Variants in PDE1C observed in about 807,000 individuals in gnomAD.
PDE1C encodes phosphodiesterase 1C, also known as dual specificity calcium/calmodulin-dependent 3',5'-cyclic nucleotide phosphodiesterase 1C.
In PDE1C, 62 loss-of-function variants were observed where a neutral mutation model predicts 93.1. That is an observed-to-expected ratio of 0.67 (90% CI 0.54 to 0.82). The LOEUF (loss-of-function observed/expected upper bound fraction) is 0.82. PDE1C is among the 40% of genes least tolerant of loss of function. PDE1C has a pLI of 0.00. For synonymous variants in PDE1C, 325 were observed against 310.1 expected (o/e 1.05, Z -0.50); for missense variants, 742 against 884.6 (o/e 0.84, Z 2.04).
chr7:31,851,356 G>C (rs183143113), intron 7 of PDE1C, among the ~76,000 whole-genome samples: 63 of 152,258 alleles, frequency 4.1e-4, no homozygotes, highest in African/African-American at 1.5e-3. Context: ...TGTTAGAAAT[G>C]CTGGCAAATT....
At chr7:32,236,974 G>T (rs1279420508) in intron 1 of PDE1C, among the ~76,000 whole-genome samples, 2 of 151,288 alleles carry the variant, frequency 1.3e-5, no homozygotes, top group Non-Finnish European at 2.9e-5. Flanking sequence ...AAAGGAGAAA[G>T]CTACTGATAC....
upstream of PDE1C, among the ~76,000 whole-genome samples, chr7:32,076,090 C>T (rs926748016): frequency 6.6e-6 from 1 of 152,082 alleles, no homozygotes; most frequent in Admixed American, 6.5e-5. Context: ...TGAGTCTGCC[C>T]CCGCAGGCCA....
chr7:31,952,726 G>A (rs971633812), intron 2 of PDE1C, among the ~76,000 whole-genome samples: 2 of 152,098 alleles, frequency 1.3e-5, no homozygotes, highest in Non-Finnish European at 2.9e-5. Context: ...CACATTGCAA[G>A]GGCCACAAAA....
At chr7:32,415,832 A>G (rs1785265657) in intron 1 of PDE1C, among the ~76,000 whole-genome samples, 1 of 152,236 alleles carries the variant, frequency 6.6e-6, no homozygotes, top group South Asian at 2.1e-4. Context: ...TAGGCTAGTC[A>G]TCTCCAAGGT....
chr7:31,943,870 A>C (rs1000435900), intron 2 of PDE1C, among the ~76,000 whole-genome samples: 8 of 152,322 alleles, frequency 5.3e-5, no homozygotes, highest in Middle Eastern at 3.4e-3. Flanking sequence ...AATCTTTAAA[A>C]TATAATTTCT....
chr7:31,939,965 G>C (rs1805596206), intron 2 of PDE1C, among the ~76,000 whole-genome samples: 1 of 152,152 alleles, frequency 6.6e-6, no homozygotes, highest in African/African-American at 2.4e-5. Context: ...GATGTGCAGT[G>C]CAGAATCTGG....
Position 32,375,657 on chromosome 7 carries a change from G to A in PDE1C, c.310+52165C>T, listed in dbSNP as rs112258116. Among the ~76,000 whole-genome samples the A allele has an allele frequency of 7.2e-4, 109 of 152,324 alleles. 1 individual carries two copies. The highest frequency in any genetic ancestry group is 2.2e-3 in the African/African-American group (93 of 41,586). ...AGGATGAGAATCCCTGCTCTAGAGC[G>A]TTCTCAGAAAAGCCTTGAACCAGGG... On this transcript the variant is annotated intron_variant, in intron 1 of 1. Transcript: ENST00000672256.
At chr7:32,082,967 C>A (rs10265285) in intron 3 of PDE1C, among the ~76,000 whole-genome samples, 77,395 of 140,126 alleles carry the variant, frequency 0.55, 18,399 homozygotes, top group African/African-American at 0.66. Flanking sequence ...CAAAGGAACG[C>A]AGTTCCTCAC....
intron 2 of PDE1C, among the ~76,000 whole-genome samples, chr7:31,955,538 T>A (rs559795088): frequency 2.2e-4 from 33 of 152,274 alleles, no homozygotes; most frequent in African/African-American, 7.9e-4. Context: ...AATAGGAATT[T>A]CCTTGTGCCC....
intron 1 of PDE1C, among the ~76,000 whole-genome samples, chr7:32,260,089 G>A (rs1328144952): frequency 6.6e-6 from 1 of 152,196 alleles, no homozygotes; most frequent in African/African-American, 2.4e-5. Flanking sequence ...CTGTTTCCAG[G>A]CGGACTGATA....
intron 1 of PDE1C, among the ~76,000 whole-genome samples, chr7:32,320,500 AC>A (rs1472498894): frequency 6.6e-6 from 1 of 151,690 alleles, no homozygotes; most frequent in African/African-American, 2.4e-5. Flanking sequence ...CTGCACATGT[AC>A]CCCTGAACTT....
At chr7:32,160,702 C>T (rs574534603) in intron 3 of PDE1C, among the ~76,000 whole-genome samples, 2 of 152,008 alleles carry the variant, frequency 1.3e-5, no homozygotes, top group African/African-American at 2.4e-5. Context: ...ATTAGCTGGG[C>T]GTGAGGCTGA....
intron 16 of PDE1C, among the ~76,000 whole-genome samples, chr7:31,781,744 T>C (rs1341488237): frequency 7.5e-6 from 1 of 133,404 alleles, no homozygotes; most frequent in Non-Finnish European, 1.5e-5. Context: ...AGTATATAAA[T>C]TAGAGCTGCA....
At chr7:32,145,511 T>A (rs1800784431) in intron 3 of PDE1C, among the ~76,000 whole-genome samples, 1 of 152,142 alleles carries the variant, frequency 6.6e-6, no homozygotes, top group Non-Finnish European at 1.5e-5. Context: ...TTCAAATGAG[T>A]GTTTTTTCAC....
At chr7:32,313,654 C>CA (rs1242046825) in intron 1 of PDE1C, among the ~76,000 whole-genome samples, 3 of 149,370 alleles carry the variant, frequency 2.0e-5, no homozygotes, top group African/African-American at 4.9e-5. Context: ...ATCGCAAGGA[C>CA]AAAAAACCAA....
intron 3 of PDE1C, among the ~76,000 whole-genome samples, chr7:32,147,105 G>A (rs1800886123): frequency 6.6e-6 from 1 of 151,626 alleles, no homozygotes; most frequent in South Asian, 2.1e-4. Flanking sequence ...ATACTCTGGT[G>A]TCTTTTAAAA....
intron 1 of PDE1C, among the ~76,000 whole-genome samples, chr7:32,321,243 A>T (rs1302627218): frequency 2.0e-5 from 3 of 152,246 alleles, no homozygotes; most frequent in African/African-American, 7.2e-5. Context: ...ACAATCACAG[A>T]GCAGAGCCTG....
the PDE1C span, chr7:31,653,661 T>C: frequency 6.6e-6 from 1 of 152,338 alleles, no homozygotes; most frequent in African/African-American, 2.4e-5. Context: ...AGAAATAAAA[T>C]GGGAGGCAGA....
intron 2 of PDE1C, among the ~76,000 whole-genome samples, chr7:32,011,233 C>CCCAGACTCTGCACA (rs1459275983): frequency 1.3e-5 from 2 of 151,444 alleles, no homozygotes; most frequent in African/African-American, 4.9e-5. Flanking sequence ...CGCTCTGTTG[C>CCCAGACTCTGCACA]CCAGGCTGGA....
Sources: gnomAD v4.1 joint callset for allele counts (sites outside exome capture counted in the v4.1 genomes callset) on GRCh38, gnomAD v4.1.1 for gene constraint, MANE v1.5 for transcripts, NCBI Gene and HGNC (gene_info 2026-07-23, HGNC 2026-07-21) for gene names.